The following TBKBP1 variants were observed in gnomAD, a reference collection of about 807,000 sequenced individuals.
TBKBP1 encodes TBK1 binding protein 1.
In TBKBP1, 47 loss-of-function variants were observed where a neutral mutation model predicts 69.9. That is an observed-to-expected ratio of 0.67 (90% CI 0.53 to 0.86). The LOEUF is 0.86. Among genes scored for constraint, TBKBP1 ranks in the 40% least tolerant of loss-of-function variants. The pLI, the probability that TBKBP1 is intolerant of heterozygous loss-of-function variation, is 0.00. For missense variants in TBKBP1, 831 were observed against 858.6 expected (o/e 0.97, Z 0.40); for synonymous variants, 418 against 390.3 (o/e 1.07, Z -0.84).
chr17:47,709,172 A>G lies in TBKBP1; in HGVS notation c.1439A>G (p.Gln480Arg). The G allele has an allele frequency of 1.4e-6, 2 of 1,454,612 alleles. No individual in the cohort carries two copies. Among genetic ancestry groups the G allele is most frequent in the Non-Finnish European group, 1.8e-6 (2 of 1,112,310 alleles). 90.1% of individuals were successfully genotyped at this position (1,454,612 alleles called of 1,614,324 possible). Residue 480 changes from glutamine (Q) to arginine (R), a missense_variant, in exon 9 of 10, where the codon CAG becomes CGG. Physicochemically the swap from Gln to Arg is conservative, Grantham distance 43. Coordinates refer to ENST00000578982, the MANE Select transcript of TBKBP1 (RefSeq NM_001394755.1). ...AYAGASPPWL[Q>R]AEAATLPKPR... ...GCGGGCGCCTCCCCGCCCTGGCTGCAGGCCGAAGCGGCCACTCTCCCCAAG... is the reference window on the plus strand; with the variant it reads ...GCGGGCGCCTCCCCGCCCTGGCTGCGGGCCGAAGCGGCCACTCTCCCCAAG...
chr17:47,694,746 G>A (rs2031140404), intron 1 of TBKBP1: 1 of 152,000 alleles, frequency 6.6e-6, no homozygotes, highest in Non-Finnish European at 1.5e-5. Context: ...GTAAGCGCTG[G>A]CGCGCGGAGC....
chr17:47,698,817 C>T, intron 5 of TBKBP1, 42 bp downstream of exon 5: 1 of 1,484,914 alleles, frequency 6.7e-7, no homozygotes, highest in Non-Finnish European at 9.0e-7. Context: ...AGTCCCCAAC[C>T]CCCATTTCAA....
At chr17:47,696,659 C>A (rs1208285690) in intron 2 of TBKBP1, 52 bp from the exon 3 acceptor site, 1 of 1,612,990 alleles carries the variant, frequency 6.2e-7, no homozygotes, top group African/African-American at 1.3e-5. Flanking sequence ...AGGCTGAGGC[C>A]TGGGCTGGGC....
At position 47,698,787 on chromosome 17, in the gene TBKBP1, G is replaced by A. The variant is rs561295141; in HGVS notation, c.634+12G>A. ...TGGCTTGAGTCATGGTGAGATCTCA[G>A]TGACCCCGACTTACCTCCTAGTCCC... On this transcript the variant is annotated intron_variant, in intron 5 of 9. Transcript: ENST00000578982. 2 of 1,536,894 alleles carry A rather than the reference G, an allele frequency of 1.3e-6. No homozygotes were observed. The highest frequency in any genetic ancestry group is 2.0e-5 in the Admixed American group (1 of 50,850).
Position 47,709,398 on chromosome 17 carries a change from C to A in TBKBP1, c.1665C>A (p.Pro555=). 6.5e-7 allele frequency: 1 copy of A among 1,536,558 alleles called. No homozygotes were observed. Among genetic ancestry groups the A allele is most frequent in the Non-Finnish European group, 8.7e-7 (1 of 1,149,106 alleles). The change falls in exon 9 of 10, where the codon CCC becomes CCA. Residue 555 remains proline (P), a synonymous_variant. Coordinates refer to ENST00000578982, the MANE Select transcript of TBKBP1 (RefSeq NM_001394755.1). ...CGGGCTTCCCCATCCCCGAGTCGCC[C>A]GCCGCCACCGCCTACGCCCACGCCG... The part of the protein sequence containing the change: ...FCAGFPIPES[P]AATAYAHAEH...
At chr17:47,694,759 G>C (rs2031141447) in intron 1 of TBKBP1, 1 of 152,234 alleles carries the variant, frequency 6.6e-6, no homozygotes, top group South Asian at 2.1e-4. Flanking sequence ...CGCGGAGCTG[G>C]GGGGAGGGGA....
chr17:47,710,411 C>T, intron 9 of TBKBP1, 87 bp from the exon 10 acceptor site: 1 of 1,537,412 alleles, frequency 6.5e-7, no homozygotes. Context: ...GCCCTCCCTG[C>T]CCTGGGTCCT....
At chr17:47,704,939 C>T (rs2031645639) in intron 7 of TBKBP1, among the ~76,000 whole-genome samples, 1 of 152,252 alleles carries the variant, frequency 6.6e-6, no homozygotes, top group African/African-American at 2.4e-5. Context: ...AAGTTGCCAG[C>T]TTGGCAGGCT....
At chr17:47,704,663 C>A (rs1043660206) in intron 7 of TBKBP1, among the ~76,000 whole-genome samples, 2 of 152,210 alleles carry the variant, frequency 1.3e-5, no homozygotes, top group Non-Finnish European at 2.9e-5. Context: ...CTGCTCCCGT[C>A]CCTGACTCTA....
intron 7 of TBKBP1, among the ~76,000 whole-genome samples, chr17:47,702,985 C>CG (rs199975174): frequency 0.041 from 519 of 12,642 alleles, 2 homozygotes; most frequent in Middle Eastern, 0.062. Flanking sequence ...AGGGGAAATG[C>CG]GGGGGGGGGA....
chr17:47,700,186 TCA>T, intron 7 of TBKBP1, among the ~76,000 whole-genome samples: 1 of 151,416 alleles, frequency 6.6e-6, no homozygotes, highest in East Asian at 1.9e-4. Context: ...AGATGGGGTT[TCA>T]CTGCGTTAGC....
intron 7 of TBKBP1, among the ~76,000 whole-genome samples, chr17:47,707,938 A>G (rs2031753086): frequency 1.3e-5 from 2 of 152,232 alleles, no homozygotes; most frequent in Non-Finnish European, 2.9e-5. Flanking sequence ...TTTAGTATGC[A>G]TTGCTTGAGA....
rs1299837534 is a variant in TBKBP1 at position 47,710,629 on chromosome 17, C to T, written c.*3C>T. 1 of 1,595,088 alleles carries T rather than the reference C, an allele frequency of 6.3e-7. No individual in the cohort carries two copies. The highest frequency in any genetic ancestry group is 1.1e-5 in the South Asian group (1 of 90,618). On this transcript the variant is annotated 3_prime_UTR_variant, in exon 10 of 10. Transcript: ENST00000578982. ...ACCTGGAGAACAGCAAGATCTAGGG[C>T]ACCAGCCCCACCCACTGGCTGTTTC...
intron 5 of TBKBP1, 63 bp from the exon 6 acceptor site, chr17:47,699,257 C>T: frequency 7.0e-7 from 1 of 1,430,740 alleles, no homozygotes; most frequent in East Asian, 2.5e-5. Context: ...TCCTGTTTCA[C>T]TCTGGCTCTG....
At chr17:47,703,740 A>ATT (rs113198338) in intron 7 of TBKBP1, among the ~76,000 whole-genome samples, 9 of 144,964 alleles carry the variant, frequency 6.2e-5, no homozygotes, top group Admixed American at 1.4e-4. Context: ...CTCCCCTGAA[A>ATT]TTTTTTTTTT....
chr17:47,696,946 C>G, intron 3 of TBKBP1, 113 bp downstream of exon 3: 1 of 1,529,018 alleles, frequency 6.5e-7, no homozygotes, highest in Non-Finnish European at 8.8e-7. Context: ...TAGAGATGGC[C>G]AGGTCCTCCC....
chr17:47,700,289 C>CTTGTTTTTTTTTTTTTTTTTTTTTTTT (rs2031445503), intron 7 of TBKBP1, among the ~76,000 whole-genome samples: 1 of 41,476 alleles, frequency 2.4e-5, no homozygotes. Context: ...GCGCCCGGAC[C>CTTGTTTTTTTTTTTTTTTTTTTTTTTT]TTTTTTTTTT....
chr17:47,709,023 G>GCCGCCC lies in TBKBP1; in HGVS notation c.1296_1301dup (p.Pro433_Pro434dup). On this transcript the variant is annotated inframe_insertion, in exon 9 of 10. Coordinates refer to ENST00000578982, the MANE Select transcript of TBKBP1 (RefSeq NM_001394755.1). ...CGGCCCCGCAGCCCCGGCCACCGCC[G>GCCGCCC]CCGCCCCCGCCGGGCGAGAGGACGC... 8.2e-7 allele frequency: 1 copy of GCCGCCC among 1,212,398 alleles called. No homozygotes were observed. Among genetic ancestry groups the GCCGCCC allele is most frequent in the South Asian group, 2.4e-5 (1 of 42,036 alleles). The allele number at this position is 1,212,398 out of a possible 1,614,324, so 75.1% of individuals were successfully genotyped here.
chr17:47,699,586 G>C, intron 6 of TBKBP1, 50 bp from the exon 7 acceptor site: 3 of 1,613,838 alleles, frequency 1.9e-6, no homozygotes, highest in Non-Finnish European at 2.5e-6. Flanking sequence ...GTAGACAAGG[G>C]CCCTGGCAGG....
Sources: gnomAD v4.1 joint callset for allele counts (sites outside exome capture counted in the v4.1 genomes callset) on GRCh38, gnomAD v4.1.1 for gene constraint, MANE v1.5 for transcripts, NCBI Gene and HGNC (gene_info 2026-07-23, HGNC 2026-07-21) for gene names.